The following DHX40 variants were observed in gnomAD, a reference collection of about 807,000 sequenced individuals.
DHX40 encodes probable ATP-dependent RNA helicase DHX40.
DHX40 carries 28 observed loss-of-function variants against 89.6 expected under a neutral mutation model. The observed-to-expected ratio is 0.31, with a 90% CI of 0.23 to 0.43. The LOEUF is 0.43. Ranked by LOEUF, DHX40 falls within the 20% of genes least tolerant of loss-of-function variation. DHX40 has a pLI of 1.00. For missense variants in DHX40, 457 were observed against 844.0 expected, an observed-to-expected ratio of 0.54 and a Z score of 5.68; for synonymous variants, 226 against 283.6, an observed-to-expected ratio of 0.80 and a Z score of 2.04.
intron 10 of DHX40, among the ~76,000 whole-genome samples, chr17:59,585,846 GAA>G (rs902629848): frequency 3.4e-5 from 5 of 148,454 alleles, no homozygotes; most frequent in African/African-American, 1.3e-4. Context: ...ATGGACTGCA[GAA>G]AAGAGTAGAC....
chr17:59,594,461 C>T (rs2049123972), intron 12 of DHX40, among the ~76,000 whole-genome samples: 2 of 151,616 alleles, frequency 1.3e-5, no homozygotes. Flanking sequence ...GCCTGTTCTT[C>T]AGTGGCTCTC....
At chr17:59,601,024 C>A (rs1236557155) in intron 14 of DHX40, among the ~76,000 whole-genome samples, 2 of 151,560 alleles carry the variant, frequency 1.3e-5, no homozygotes, top group Non-Finnish European at 2.9e-5. Flanking sequence ...CCATTCCCGA[C>A]AGTGCATGGT....
intron 2 of DHX40, among the ~76,000 whole-genome samples, chr17:59,567,924 T>G (rs2048730799): frequency 7.2e-6 from 1 of 139,406 alleles, no homozygotes; most frequent in Non-Finnish European, 1.5e-5. Flanking sequence ...AGAGTGAGAC[T>G]CCGTCTCCAA....
At chr17:59,595,530 G>A (rs2029981483) in intron 12 of DHX40, among the ~76,000 whole-genome samples, 3 of 141,768 alleles carry the variant, frequency 2.1e-5, no homozygotes, top group Non-Finnish European at 3.1e-5. Flanking sequence ...AAATGCTGCA[G>A]GATAATTAAG....
At chr17:59,600,982 A>G (rs1017737794) in intron 14 of DHX40, among the ~76,000 whole-genome samples, 12 of 151,076 alleles carry the variant, frequency 7.9e-5, no homozygotes, top group African/African-American at 2.9e-4. Context: ...CCATACTATA[A>G]TAAAACTCCA....
intron 10 of DHX40, among the ~76,000 whole-genome samples, chr17:59,585,358 A>G (rs1241226030): frequency 7.1e-6 from 1 of 141,780 alleles, no homozygotes; most frequent in East Asian, 2.1e-4. Context: ...CGAGATTGCC[A>G]CACTGCACTC....
At chr17:59,570,154 A>T (rs2048777908) in intron 2 of DHX40, among the ~76,000 whole-genome samples, 1 of 128,338 alleles carries the variant, frequency 7.8e-6, no homozygotes, top group Non-Finnish European at 1.6e-5. Flanking sequence ...AAATTATATA[A>T]TACATATAAT....
At chr17:59,605,695 A>T (rs371437638) in intron 17 of DHX40, 21 bp downstream of exon 17, 22 of 1,588,922 alleles carry the variant, frequency 1.4e-5, no homozygotes, top group Non-Finnish European at 1.9e-5. Context: ...CATTTGTTCT[A>T]CTCTTAACCA....
At position 59,577,320 on chromosome 17, in the gene DHX40, T is replaced by C; in HGVS notation, c.1028T>C (p.Ile343Thr). 6.2e-7 allele frequency: 1 copy of C among 1,613,976 alleles called. No homozygotes were observed. The highest frequency in any genetic ancestry group is 8.5e-7 in the Non-Finnish European group (1 of 1,179,850). Residue 343 changes from isoleucine to threonine, a missense_variant, in exon 8 of 18, where the codon ATA becomes ACA. Transcript: ENST00000251241. The stretch of plus-strand genomic sequence containing the variant: ...CCACCTGGAATTAGAAAATGTGTCA[T>C]ATCCACCAATATTTCTGCAACGTCT... ...PPPPGIRKCV[I>T]STNISATSLT...
intron 3 of DHX40, among the ~76,000 whole-genome samples, chr17:59,572,257 C>T (rs2048820163): frequency 6.6e-6 from 1 of 152,192 alleles, no homozygotes; most frequent in African/African-American, 2.4e-5. Context: ...CCCCAAAATA[C>T]TATCTTTTTG....
chr17:59,571,030 A>T (rs1161417160), intron 3 of DHX40, among the ~76,000 whole-genome samples: 1 of 151,932 alleles, frequency 6.6e-6, no homozygotes, highest in Non-Finnish European at 1.5e-5. Flanking sequence ...TTTTCTTAGG[A>T]TTCTCTTATT....
At chr17:59,586,124 C>T in intron 10 of DHX40, 29 bp from the exon 11 acceptor site, 1 of 1,472,686 alleles carries the variant, frequency 6.8e-7, no homozygotes, top group Non-Finnish European at 9.3e-7. Flanking sequence ...AGGAATGCCT[C>T]TCACTTCATA....
At chr17:59,602,695 C>CA in intron 15 of DHX40, 79 bp downstream of exon 15, 1 of 1,185,094 alleles carries the variant, frequency 8.4e-7, no homozygotes, top group South Asian at 1.4e-5. Context: ...TAATATTAAA[C>CA]ATTGAAGATT....
chr17:59,603,638 A>G (rs1359302752), intron 15 of DHX40: 2 of 152,210 alleles, frequency 1.3e-5, no homozygotes, highest in South Asian at 2.1e-4. Flanking sequence ...AATCGTGTCT[A>G]TCGTGGTATA....
At chr17:59,600,039 G>T (rs971678016) in intron 14 of DHX40, among the ~76,000 whole-genome samples, 5 of 152,068 alleles carry the variant, frequency 3.3e-5, no homozygotes, top group African/African-American at 4.8e-5. Flanking sequence ...GGCCAGGCTG[G>T]TCTCAAACTC....
intron 12 of DHX40, 105 bp downstream of exon 12, chr17:59,588,158 A>G: frequency 7.4e-7 from 1 of 1,343,810 alleles, no homozygotes; most frequent in Non-Finnish European, 9.9e-7. Flanking sequence ...AGGCAGGTGG[A>G]TTGCTTGAGG....
chr17:59,605,694 T>C lies in DHX40; in HGVS notation c.2200+20T>C. 2 of 1,595,024 alleles carry C rather than the reference T, an allele frequency of 1.3e-6. No homozygotes were observed. Among genetic ancestry groups the C allele is most frequent in the Non-Finnish European group, 8.6e-7 (1 of 1,168,690 alleles). On this transcript the variant is annotated intron_variant, in intron 17 of 17. Coordinates refer to ENST00000251241, the MANE Select transcript of DHX40 (RefSeq NM_024612.5). ...TAAAGGGTGAGTAAATCATTTGTTC[T>C]ACTCTTAACCACTATGCCATACTGC...
intron 12 of DHX40, among the ~76,000 whole-genome samples, chr17:59,593,997 T>G (rs893083089): frequency 6.6e-6 from 1 of 151,604 alleles, no homozygotes; most frequent in African/African-American, 2.4e-5. Flanking sequence ...CTGTTGAATC[T>G]GTGTTTCTGG....
chr17:59,570,391 T>C (rs1160115202), intron 2 of DHX40, 127 bp from the exon 3 acceptor site: 8 of 834,800 alleles, frequency 9.6e-6, no homozygotes, highest in Non-Finnish European at 1.2e-5. Context: ...GCAGTGTGTT[T>C]TTAATTTGCG....
Sources: gnomAD v4.1 joint callset for allele counts (sites outside exome capture counted in the v4.1 genomes callset) on GRCh38, gnomAD v4.1.1 for gene constraint, MANE v1.5 for transcripts, NCBI Gene and HGNC (gene_info 2026-07-23, HGNC 2026-07-21) for gene names.